SYNRG: variants seen among roughly 807,000 people sequenced by gnomAD.
SYNRG encodes the protein AP1 gamma subunit binding protein 1.
A neutral mutation model predicts 130.9 loss-of-function variants in SYNRG; 37 were observed. That is an observed-to-expected ratio of 0.28 (90% confidence interval 0.22 to 0.37). The LOEUF is 0.37. SYNRG is among the 10% of genes least tolerant of loss of function. The pLI, the probability that SYNRG is intolerant of heterozygous loss-of-function variation, is 1.00. For synonymous variants in SYNRG, 539 were observed against 568.1 expected (o/e 0.95, Z 0.73); for missense variants, 1,338 against 1,588.9 (o/e 0.84, Z 2.68).
intron 11 of SYNRG, among the ~76,000 whole-genome samples, chr17:37,566,546 CTTGT>C (rs1419876620): frequency 6.7e-6 from 1 of 149,094 alleles, no homozygotes; most frequent in Non-Finnish European, 1.5e-5. Flanking sequence ...CCTTTGTTCA[CTTGT>C]TTATCTGCTG....
chr17:37,596,405 T>C (rs2062778925), intron 2 of SYNRG, 61 bp from the exon 3 acceptor site: 10 of 1,587,248 alleles, frequency 6.3e-6, no homozygotes, highest in Non-Finnish European at 6.9e-6. Flanking sequence ...CTTAAAACCA[T>C]AAGTACCTAA....
At chr17:37,550,069 GATAGTT>G (rs1030884060) in intron 14 of SYNRG, among the ~76,000 whole-genome samples, 1 of 152,050 alleles carries the variant, frequency 6.6e-6, no homozygotes, top group African/African-American at 2.4e-5. Context: ...TACATAACTA[GATAGTT>G]ATAGTTAACT....
chr17:37,590,177 AAAAAGAAAAG>A (rs1011532123), intron 3 of SYNRG, among the ~76,000 whole-genome samples: 11 of 150,930 alleles, frequency 7.3e-5, no homozygotes, highest in South Asian at 2.1e-4. Flanking sequence ...CAAAAAAAAA[AAAAAGAAAAG>A]AAAAGAAAAG....
chr17:37,523,526 T>C (rs1040513192), intron 19 of SYNRG, among the ~76,000 whole-genome samples: 1 of 152,122 alleles, frequency 6.6e-6, no homozygotes, highest in Non-Finnish European at 1.5e-5. Context: ...CATTTAACAA[T>C]CCACTCTTGC....
chr17:37,537,401 G>A (rs1228311402), intron 18 of SYNRG: 1 of 152,474 alleles, frequency 6.6e-6, no homozygotes, highest in East Asian at 1.9e-4. Flanking sequence ...GCCAAGGTGG[G>A]TGGGTCGCTT....
At chr17:37,524,332 T>C (rs1328429865) in intron 19 of SYNRG, among the ~76,000 whole-genome samples, 1 of 152,230 alleles carries the variant, frequency 6.6e-6, no homozygotes, top group African/African-American at 2.4e-5. Context: ...TTTCTCCTTA[T>C]AAAAATGTGT....
rs1201827270 is a variant in SYNRG at position 37,609,284 on chromosome 17, TC to T, written c.71del (p.Gly24GlufsTer12). ...AAGAGAGSAGGGGFMFPVAGG... is the reference protein window; with the variant it reads ...AAGAGAGSAGXGGFMFPVAGG... ...GCCCGGCTCTTCACACCTACCCGCC[TC>T]CCCCGGCGGACCCCGCGCCAGCTCC... On this transcript the variant is annotated frameshift_variant, in exon 1 of 22. Coordinates refer to ENST00000612223, the MANE Select transcript of SYNRG (RefSeq NM_007247.6). LOFTEE classifies it high-confidence loss of function. The T allele has an allele frequency of 6.9e-7, 1 of 1,446,182 alleles. No homozygotes were observed. The highest frequency in any genetic ancestry group is 9.0e-7 in the Non-Finnish European group (1 of 1,105,006). 89.6% of individuals were successfully genotyped at this position (1,446,182 alleles called of 1,614,324 possible). A position where few individuals can be genotyped will look rare whatever the true frequency, so the allele number is the denominator to read the frequency against.
intron 3 of SYNRG, among the ~76,000 whole-genome samples, chr17:37,593,274 G>A (rs924860962): frequency 6.6e-6 from 1 of 152,100 alleles, no homozygotes. Flanking sequence ...TGAGCCAGAT[G>A]TGGTGGCATG....
chr17:37,590,362 A>G (rs187786411), intron 3 of SYNRG, among the ~76,000 whole-genome samples: 312 of 152,356 alleles, frequency 2.0e-3, no homozygotes, highest in Non-Finnish European at 3.1e-3. Context: ...CTGGCAACAC[A>G]TGTAACTACA....
intron 11 of SYNRG, among the ~76,000 whole-genome samples, chr17:37,562,255 C>T (rs2059589447): frequency 6.6e-6 from 1 of 152,188 alleles, no homozygotes; most frequent in Non-Finnish European, 1.5e-5. Context: ...AACAAAACAA[C>T]AATCACTTCA....
intron 13 of SYNRG, among the ~76,000 whole-genome samples, chr17:37,557,528 G>T (rs2059208935): frequency 6.6e-6 from 1 of 152,232 alleles, no homozygotes; most frequent in South Asian, 2.1e-4. Flanking sequence ...TTAAAGTTAA[G>T]ATAGGAATGA....
intron 11 of SYNRG, among the ~76,000 whole-genome samples, chr17:37,565,701 A>G (rs1433759793): frequency 1.5e-5 from 2 of 134,778 alleles, no homozygotes; most frequent in African/African-American, 5.8e-5. Context: ...CCGCCGCCCC[A>G]TCTGGGATGT....
intron 3 of SYNRG, among the ~76,000 whole-genome samples, chr17:37,588,662 G>A (rs2061891788): frequency 6.6e-6 from 1 of 151,906 alleles, no homozygotes; most frequent in South Asian, 2.1e-4. Context: ...CTTGGGTGGA[G>A]ATAGCTGTGT....
chr17:37,547,192 C>T (rs941021310), intron 14 of SYNRG, among the ~76,000 whole-genome samples: 14 of 152,110 alleles, frequency 9.2e-5, no homozygotes, highest in African/African-American at 3.1e-4. Context: ...CTAGAAGCAC[C>T]TTTGGGTTTC....
chr17:37,577,986 C>G (rs2060988583), intron 6 of SYNRG, among the ~76,000 whole-genome samples: 1 of 151,476 alleles, frequency 6.6e-6, no homozygotes. Context: ...AGAAGTGAGC[C>G]ACGGTGCCCA....
intron 11 of SYNRG, among the ~76,000 whole-genome samples, chr17:37,564,985 T>A (rs1344592774): frequency 6.6e-6 from 1 of 152,148 alleles, no homozygotes; most frequent in Non-Finnish European, 1.5e-5. Flanking sequence ...TTCATTCAGC[T>A]GGGCATGGTG....
intron 10 of SYNRG, among the ~76,000 whole-genome samples, chr17:37,569,542 C>T (rs921446352): frequency 6.6e-6 from 1 of 151,144 alleles, no homozygotes; most frequent in African/African-American, 2.4e-5. Flanking sequence ...GTAATCCCAG[C>T]TACTTGGCAG....
intron 15 of SYNRG, chr17:37,541,305 G>C: frequency 1.0e-5 from 10 of 967,778 alleles, no homozygotes; most frequent in Non-Finnish European, 1.2e-5. Context: ...AATGCCTTCA[G>C]AGACCAGGCA....
At chr17:37,544,440 G>A (rs1414454375) in intron 14 of SYNRG, among the ~76,000 whole-genome samples, 1 of 151,892 alleles carries the variant, frequency 6.6e-6, no homozygotes, top group African/African-American at 2.4e-5. Context: ...TCAGCCTCTC[G>A]ATTAGTTGGG....
Sources: gnomAD v4.1 joint callset for allele counts (sites outside exome capture counted in the v4.1 genomes callset) on GRCh38, gnomAD v4.1.1 for gene constraint, MANE v1.5 for transcripts, NCBI Gene and HGNC (gene_info 2026-07-23, HGNC 2026-07-21) for gene names.